DCAF5: variants seen among roughly 807,000 people sequenced by gnomAD.
DCAF5 encodes DDB1- and CUL4-associated factor 5.
Under a neutral mutation model 80.7 loss-of-function variants are expected in DCAF5, and 9 were observed. The ratio of observed to expected loss-of-function variants is 0.11; its 90% CI spans 0.07 to 0.19. The LOEUF (loss-of-function observed/expected upper bound fraction) is 0.19, where lower values mean the gene tolerates loss of function less well. Ranked by LOEUF, DCAF5 falls within the 10% of genes least tolerant of loss-of-function variation. The probability of loss-of-function intolerance (pLI) is 1.00; values close to 1 mark genes in which losing one functional copy is unlikely to be tolerated. For missense variants in DCAF5, 842 were observed against 1,205.7 expected (o/e 0.70, Z 4.47); for synonymous variants, 433 against 461.9 (o/e 0.94, Z 0.80).
intron 5 of DCAF5, among the ~76,000 whole-genome samples, chr14:69,109,338 C>CAA (rs199758443): frequency 8.0e-5 from 8 of 100,056 alleles, no homozygotes; most frequent in East Asian, 2.6e-4. Context: ...AACTCTGCCT[C>CAA]AAAAAAAAAA....
intron 6 of DCAF5, 114 bp from the exon 7 acceptor site, chr14:69,075,525 A>G: frequency 1.9e-6 from 1 of 533,650 alleles, no homozygotes; most frequent in Non-Finnish European, 2.7e-6. Flanking sequence ...TCTGTTGTCC[A>G]GGCTGGAATA....
chr14:69,117,053 A>G (rs1290338899), intron 4 of DCAF5, among the ~76,000 whole-genome samples: 1 of 152,220 alleles, frequency 6.6e-6, no homozygotes, highest in African/African-American at 2.4e-5. Flanking sequence ...GAAACCCTGC[A>G]ACATTTTACA....
chr14:69,091,881 G>A lies in DCAF5; in HGVS notation c.672C>T (p.Leu224=). The A allele has an allele frequency of 6.2e-7, 1 of 1,611,180 alleles. No individual in the cohort carries two copies. The highest frequency in any genetic ancestry group is 8.5e-7 in the Non-Finnish European group (1 of 1,178,522). The change falls in exon 6 of 9, where the codon CTC becomes CTT. Residue 224 remains leucine (L), a synonymous_variant. Transcript: ENST00000341516. ...GGGACAGGTTTCCACCATAGCGCAG[G>A]AGAGAACTGGAAGGCACAAGGCACA... is the stretch of plus-strand genomic sequence containing the variant. ...LWDIRKPQSS[L]LRYGGNLSLQ...
chr14:69,085,137 A>G (rs1205890704), intron 6 of DCAF5: 12 of 769,576 alleles, frequency 1.6e-5, no homozygotes, highest in Non-Finnish European at 2.6e-5. Context: ...TAAATCATAC[A>G]TACAAACCTA....
At chr14:69,113,239 G>A (rs970138831) in intron 5 of DCAF5, among the ~76,000 whole-genome samples, 2 of 152,134 alleles carry the variant, frequency 1.3e-5, no homozygotes, top group African/African-American at 2.4e-5. Context: ...GCTCCAAGGA[G>A]ATTATCTGTT....
chr14:69,097,531 CT>C (rs1248800784), intron 5 of DCAF5, among the ~76,000 whole-genome samples: 7 of 151,374 alleles, frequency 4.6e-5, no homozygotes, highest in Admixed American at 4.6e-4. Context: ...TTAAGAAATA[CT>C]TGTGACCATC....
chr14:69,081,669 C>T (rs1283126869), intron 6 of DCAF5, among the ~76,000 whole-genome samples: 1 of 152,118 alleles, frequency 6.6e-6, no homozygotes, highest in African/African-American at 2.4e-5. Flanking sequence ...CCAAGAACAA[C>T]ACTGAAAAAG....
chr14:69,141,774 G>C (rs2041382780), intron 1 of DCAF5, among the ~76,000 whole-genome samples: 1 of 152,182 alleles, frequency 6.6e-6, no homozygotes, highest in Non-Finnish European at 1.5e-5. Context: ...AGGCAGAAGG[G>C]AATACAGGAA....
At position 69,054,887 on chromosome 14, in the gene DCAF5, C is replaced by T. The variant is rs1157305329; in HGVS notation, c.1799G>A (p.Ser600Asn). ...AGTGTTGGTGGGCTTGATTGGGGCA[C>T]TGGGCTTGTCTTCTCGGGTTGTCTT... ...RQKTTREDKPSAPIKPTNTYI... is the reference protein window; with the variant it reads ...RQKTTREDKPNAPIKPTNTYI... Residue 600 changes from serine to asparagine, a missense_variant, in exon 9 of 9, where the codon AGT becomes AAT. By Grantham distance (46) the Ser-to-Asn change is conservative (BLOSUM62 1). This residue lies in a region of DCAF5 where 607 missense variants were observed against 656.6 expected (regional missense o/e 0.92). Coordinates refer to ENST00000341516, the MANE Select transcript of DCAF5 (RefSeq NM_003861.3). The T allele has an allele frequency of 1.2e-6, 2 of 1,613,996 alleles. No individual in the cohort carries two copies. Among genetic ancestry groups the T allele is most frequent in the African/African-American group, 2.7e-5 (2 of 74,908 alleles).
intron 6 of DCAF5, chr14:69,083,786 A>C: frequency 1.4e-6 from 1 of 697,848 alleles, no homozygotes; most frequent in Non-Finnish European, 2.6e-6. Context: ...AACAAAGGGG[A>C]ATCTGAAGAA....
intron 7 of DCAF5, among the ~76,000 whole-genome samples, chr14:69,068,386 C>G (rs977716663): frequency 6.6e-6 from 1 of 152,046 alleles, no homozygotes; most frequent in Non-Finnish European, 1.5e-5. Context: ...CATTCTTGAC[C>G]CCACTGGTAG....
chr14:69,084,871 T>C, intron 6 of DCAF5: 2 of 1,240,650 alleles, frequency 1.6e-6, no homozygotes, highest in African/African-American at 3.0e-5. Context: ...ACTGGATTGT[T>C]CAGTATGACC....
At position 69,153,002 on chromosome 14, in the gene DCAF5, TCGCGCCGCCGCCCCTCCCTCGGCCTCA is replaced by T; in HGVS notation, c.-51_-25del. 3 of 1,528,022 alleles carry T rather than the reference TCGCGCCGCCGCCCCTCCCTCGGCCTCA, an allele frequency of 2.0e-6. No homozygotes were observed. The highest frequency in any genetic ancestry group is 1.2e-5 in the South Asian group (1 of 81,968). 94.7% of individuals were successfully genotyped at this position (1,528,022 alleles called of 1,614,324 possible). ...ATGCTGGAACCGCCGCCGCCGCCGCTCGCGCCGCCGCCCCTCCCTCGGCCTCACGCGCGGCCGCTGCTCCCCCCACCC... is the reference window on the plus strand; with the variant it reads ...ATGCTGGAACCGCCGCCGCCGCCGCTCGCGCGGCCGCTGCTCCCCCCACCC... On this transcript the variant is annotated 5_prime_UTR_variant, in exon 1 of 9. Transcript: ENST00000341516.
chr14:69,054,983 G>T lies in DCAF5; in HGVS notation c.1703C>A (p.Ser568Tyr). 6.2e-7 allele frequency: 1 copy of T among 1,614,254 alleles called. No individual in the cohort carries two copies. The highest frequency in any genetic ancestry group is 8.5e-7 in the Non-Finnish European group (1 of 1,180,030). Residue 568 changes from serine (S) to tyrosine (Y), a missense_variant, in exon 9 of 9, where the codon TCT becomes TAT. This residue lies in a region of DCAF5 where 607 missense variants were observed against 656.6 expected (regional missense o/e 0.92). Transcript: ENST00000341516. ...TTCATTCAGCTCCTCCTCATCCTCA[G>T]AGCTGCTAGAGCTGCTGGAACTGCT... ...ESSSSSSSSSSEDEEELNERR... is the reference protein window; with the variant it reads ...ESSSSSSSSSYEDEEELNERR...
chr14:69,106,208 C>G (rs1251157578), intron 5 of DCAF5, among the ~76,000 whole-genome samples: 1 of 150,562 alleles, frequency 6.6e-6, no homozygotes, highest in South Asian at 2.1e-4. Flanking sequence ...AGGGGCCCAC[C>G]ACTACGCCCG....
chr14:69,138,348 CG>C (rs1445590621), intron 1 of DCAF5, among the ~76,000 whole-genome samples: 2 of 152,124 alleles, frequency 1.3e-5, no homozygotes, highest in African/African-American at 4.8e-5. Context: ...TTCCAAAGTA[CG>C]GAAGTATAGC....
chr14:69,091,225 C>G lies in DCAF5; in HGVS notation c.879+449G>C, dbSNP rs1314473730. On this transcript the variant is annotated intron_variant, in intron 6 of 8. Coordinates refer to ENST00000341516, the MANE Select transcript of DCAF5 (RefSeq NM_003861.3). ...AACAAAGCTGCTTACCCCATTTCAT[C>G]CAAGAAAAAGATGGCATCCCAAGAG... is the stretch of plus-strand genomic sequence containing the variant. 5.7e-6 allele frequency: 4 copies of G among 697,170 alleles called. No homozygotes were observed. The African/African-American group carries it at 7.0e-5, about 12-fold the overall frequency. The allele number at this position is 697,170 out of a possible 1,614,324, so 43.2% of individuals were successfully genotyped here.
At chr14:69,147,065 A>G (rs2041561071) in intron 1 of DCAF5, among the ~76,000 whole-genome samples, 2 of 152,258 alleles carry the variant, frequency 1.3e-5, no homozygotes, top group Non-Finnish European at 2.9e-5. Context: ...ATTTATCTAC[A>G]AAAAACTGAT....
chr14:69,060,982 T>C (rs2038194259), intron 8 of DCAF5, among the ~76,000 whole-genome samples: 1 of 151,934 alleles, frequency 6.6e-6, no homozygotes, highest in East Asian at 1.9e-4. Flanking sequence ...TCTCAGGTTT[T>C]CAAAGTCATT....
Sources: allele counts gnomAD v4.1 joint callset (sites outside exome capture counted in the v4.1 genomes callset), GRCh38; gene constraint gnomAD v4.1.1; regional missense constraint gnomAD v4.1.1; transcripts MANE v1.5; gene names NCBI Gene and HGNC (gene_info 2026-07-23, HGNC 2026-07-21).